Variants in TBX1 observed in about 807,000 individuals in gnomAD.
The protein encoded by TBX1 is T-box transcription factor TBX1.
A neutral mutation model predicts 40.8 loss-of-function variants in TBX1; 16 were observed. The ratio of observed to expected loss-of-function variants is 0.39; its 90% confidence interval spans 0.27 to 0.60. The LOEUF is 0.60. Among genes scored for constraint, TBX1 ranks in the 20% least tolerant of loss-of-function variants. The probability of loss-of-function intolerance (pLI) is 0.51; values close to 1 mark genes in which losing one functional copy is unlikely to be tolerated. For missense variants in TBX1, 755 were observed against 728.5 expected (o/e 1.04, Z -0.42); for synonymous variants, 403 against 336.8 (o/e 1.20, Z -2.15).
At chr22:19,770,904 G>A (rs1936979488), downstream of TBX1, among the ~76,000 whole-genome samples, 1 of 152,186 alleles carries the variant, frequency 6.6e-6, no homozygotes, top group Non-Finnish European at 1.5e-5. Context: ...CCAGGAGCTG[G>A]GCACCAGGGG....
chr22:19,782,383 T>C (rs1937150743), downstream of TBX1, among the ~76,000 whole-genome samples: 1 of 152,230 alleles, frequency 6.6e-6, no homozygotes, highest in South Asian at 2.1e-4. Flanking sequence ...GTTAAGCTAA[T>C]TCTTAAGTAT....
chr22:19,759,443 CG>C (rs1569016373), upstream of TBX1: 8 of 1,389,128 alleles, frequency 5.8e-6, no homozygotes, highest in Non-Finnish European at 7.4e-6. Context: ...GGGCGCGGTG[CG>C]GCTGGGCACA....
Position 19,765,183 on chromosome 22 carries a change from CG to C in TBX1, c.867+71del. On this transcript the variant is annotated intron_variant, in intron 4 of 6. Transcript: ENST00000649276. The stretch of plus-strand genomic sequence containing the variant: ...AAAAGCGGGTGTAATTTTCAGTTGC[CG>C]TTTGGGGACAGTGGGTCCGCTTAGA... 2.5e-6 allele frequency: 4 copies of C among 1,608,356 alleles called. No individual in the cohort carries two copies. In the South Asian group the frequency reaches 4.4e-5, roughly 18 times the overall value.
At chr22:19,758,080 G>A (rs1936526893), upstream of TBX1, among the ~76,000 whole-genome samples, 1 of 152,126 alleles carries the variant, frequency 6.6e-6, no homozygotes, top group African/African-American at 2.4e-5. Context: ...CAGGCCCAGG[G>A]CCAGCCTCCC....
intron 8 of TBX1, among the ~76,000 whole-genome samples, chr22:19,774,031 A>C (rs1937029057): frequency 6.6e-6 from 1 of 152,254 alleles, no homozygotes; most frequent in African/African-American, 2.4e-5. Context: ...AAGGTGATTC[A>C]AGGTGAATAT....
chr22:19,761,028 GCGCCGCCGCCGCCCCCGGCGCCCCGGGCC>G lies in TBX1; in HGVS notation c.199_227del (p.Pro67AlafsTer101). The stretch of plus-strand genomic sequence containing the variant: ...CCGCCGCCGCCGCGCTACGACCCGT[GCGCCGCCGCCGCCCCCGGCGCCCCGGGCC>G]CGCCGCCGCCGCCGCACGCCTACCC... On this transcript the variant is annotated frameshift_variant, in exon 1 of 7. Transcript: ENST00000649276. LOFTEE classifies it high-confidence loss of function. 1.1e-6 allele frequency: 1 copy of G among 898,618 alleles called. No individual in the cohort carries two copies. 55.7% of individuals were successfully genotyped at this position (898,618 alleles called of 1,614,324 possible).
chr22:19,783,504 C>A, downstream of TBX1: 1 of 230,936 alleles, frequency 4.3e-6, no homozygotes, highest in Non-Finnish European at 8.7e-6. Context: ...AAGCTATGAT[C>A]ATGCCACTGC....
At chr22:19,779,040 G>A (rs1937109209) in intron 8 of TBX1, among the ~76,000 whole-genome samples, 2 of 152,260 alleles carry the variant, frequency 1.3e-5, no homozygotes, top group South Asian at 4.1e-4. Flanking sequence ...TGGTGTGGCT[G>A]TGGAGGCCGT....
chr22:19,759,887 C>T (rs1031701842), upstream of TBX1, among the ~76,000 whole-genome samples: 2 of 152,238 alleles, frequency 1.3e-5, no homozygotes, highest in African/African-American at 2.4e-5. Context: ...GAGATGGGCA[C>T]TCAGGTATAC....
chr22:19,777,285 CCA>C (rs1467854470), intron 8 of TBX1, among the ~76,000 whole-genome samples: 1 of 151,836 alleles, frequency 6.6e-6, no homozygotes, highest in African/African-American at 2.4e-5. Context: ...TGTTCAATTC[CCA>C]CCTATGAGTG....
downstream of TBX1, among the ~76,000 whole-genome samples, chr22:19,767,903 A>T (rs1326066008): frequency 4.6e-5 from 7 of 152,088 alleles, no homozygotes; most frequent in African/African-American, 1.2e-4. Context: ...TTCCCTCCTT[A>T]GTGACTTTAT....
In TBX1 at chr22:19,766,880, C is replaced by G. The variant is rs543378212; in HGVS notation, c.*13C>G. On this transcript the variant is annotated 3_prime_UTR_variant, in exon 7 of 7. Coordinates refer to ENST00000649276, the MANE Select transcript of TBX1 (RefSeq NM_001379200.1). ...TTGCCCCAGATAACACGGGCCCTGT[C>G]GCGCTCCCGCCCCGGTCCTGCACAG... The G allele has an allele frequency of 4.4e-6, 7 of 1,584,594 alleles. No homozygotes were observed. Among genetic ancestry groups the G allele is most frequent in the Non-Finnish European group, 6.0e-6 (7 of 1,173,698 alleles).
downstream of TBX1, among the ~76,000 whole-genome samples, chr22:19,767,885 C>A (rs369399700): frequency 1.3e-5 from 2 of 152,358 alleles, no homozygotes; most frequent in African/African-American, 4.8e-5. Context: ...CTAGCCCAGG[C>A]CCGCATGTTC....
chr22:19,769,426 A>G (rs1215958349), downstream of TBX1, among the ~76,000 whole-genome samples: 1 of 152,056 alleles, frequency 6.6e-6, no homozygotes, highest in Non-Finnish European at 1.5e-5. Flanking sequence ...CCTCCCCTCC[A>G]CCTTTGTAGA....
downstream of TBX1, among the ~76,000 whole-genome samples, chr22:19,780,524 G>A (rs2145852751): frequency 6.6e-6 from 1 of 152,304 alleles, no homozygotes; most frequent in East Asian, 1.9e-4. Flanking sequence ...TCTGTCAATG[G>A]ACACTTGGGT....
At chr22:19,759,219 G>T (rs1348765193), upstream of TBX1, among the ~76,000 whole-genome samples, 1 of 152,246 alleles carries the variant, frequency 6.6e-6, no homozygotes, top group Non-Finnish European at 1.5e-5. Flanking sequence ...AGGGGCGTTG[G>T]TCATGGAGGT....
chr22:19,773,403 G>A (rs1044274947), intron 8 of TBX1, among the ~76,000 whole-genome samples: 1 of 152,180 alleles, frequency 6.6e-6, no homozygotes, highest in Non-Finnish European at 1.5e-5. Flanking sequence ...TGTGTGGTGG[G>A]TGCTGGAAAG....
At chr22:19,766,339 C>G in intron 6 of TBX1, 50 bp from the exon 7 acceptor site, 2 of 1,242,022 alleles carry the variant, frequency 1.6e-6, no homozygotes, top group Non-Finnish European at 2.0e-6. Context: ...GGCGTCGGAG[C>G]TCCTCGGCGG....
chr22:19,761,543 C>G (rs961879807), intron 1 of TBX1, among the ~76,000 whole-genome samples: 1 of 151,656 alleles, frequency 6.6e-6, no homozygotes, highest in Admixed American at 6.6e-5. Context: ...GGCGAGGAGC[C>G]CCGCGGGACT....
Sources: gnomAD v4.1 joint callset for allele counts (sites outside exome capture counted in the v4.1 genomes callset) on GRCh38, gnomAD v4.1.1 for gene constraint, MANE v1.5 for transcripts, NCBI Gene and HGNC (gene_info 2026-07-23, HGNC 2026-07-21) for gene names.